Variants in COMMD1 observed in about 807,000 individuals in gnomAD.
The protein encoded by COMMD1 is copper metabolism domain containing 1, also known as COMM domain-containing protein 1.
COMMD1 carries 10 observed loss-of-function variants against 17.2 expected under a neutral mutation model. The ratio of observed to expected loss-of-function variants is 0.58; its 90% CI spans 0.36 to 0.99. COMMD1 has a LOEUF of 0.99. Ranked by LOEUF, COMMD1 falls within the 50% of genes least tolerant of loss-of-function variation. The probability of loss-of-function intolerance (pLI) is 0.01; values close to 1 mark genes in which losing one functional copy is unlikely to be tolerated. For missense variants in COMMD1, 270 were observed against 231.8 expected (o/e 1.17, Z -1.07); for synonymous variants, 97 against 91.6 (o/e 1.06, Z -0.34).
intron 1 of COMMD1, among the ~76,000 whole-genome samples, chr2:61,992,724 C>T (rs1250378410): frequency 6.6e-6 from 1 of 152,186 alleles, no homozygotes; most frequent in Non-Finnish European, 1.5e-5. Context: ...ATGTAGCCTC[C>T]ACCATTTCTC....
At chr2:61,919,541 G>A (rs1384132571) in intron 1 of COMMD1, among the ~76,000 whole-genome samples, 8 of 144,702 alleles carry the variant, frequency 5.5e-5, no homozygotes, top group South Asian at 2.2e-4. Context: ...AGGCTTCATC[G>A]CGTTTTTTTT....
chr2:62,050,067 G>A (rs1479131257), intron 2 of COMMD1, among the ~76,000 whole-genome samples: 2 of 152,070 alleles, frequency 1.3e-5, no homozygotes, highest in Non-Finnish European at 2.9e-5. Context: ...CGCTTCACTG[G>A]CTTTAACATG....
chr2:62,097,744 T>G (rs1672051011), intron 2 of COMMD1, among the ~76,000 whole-genome samples: 1 of 152,190 alleles, frequency 6.6e-6, no homozygotes, highest in African/African-American at 2.4e-5. Context: ...GACTTTTTCT[T>G]TACTCCAAGG....
chr2:61,951,492 A>G (rs1309780415), intron 1 of COMMD1, among the ~76,000 whole-genome samples: 2 of 151,950 alleles, frequency 1.3e-5, no homozygotes, highest in Admixed American at 1.3e-4. Flanking sequence ...CTGCATCTTC[A>G]GTTCAAATTA....
intron 2 of COMMD1, among the ~76,000 whole-genome samples, chr2:62,001,363 T>A (rs1407663376): frequency 6.6e-6 from 1 of 152,220 alleles, no homozygotes; most frequent in East Asian, 1.9e-4. Flanking sequence ...CCAGTCATCT[T>A]TAATAATCAG....
chr2:62,067,450 T>C (rs1461693682), intron 2 of COMMD1, among the ~76,000 whole-genome samples: 1 of 152,192 alleles, frequency 6.6e-6, no homozygotes, highest in African/African-American at 2.4e-5. Flanking sequence ...CCCATAGAGT[T>C]GTATGACTTC....
At chr2:61,996,826 C>A (rs764089615) in intron 1 of COMMD1, among the ~76,000 whole-genome samples, 1 of 152,212 alleles carries the variant, frequency 6.6e-6, no homozygotes, top group Non-Finnish European at 1.5e-5. Context: ...TATGCAGTTA[C>A]TTCCTCCACT....
At chr2:61,947,356 C>T (rs150279975) in intron 1 of COMMD1, among the ~76,000 whole-genome samples, 11 of 151,982 alleles carry the variant, frequency 7.2e-5, no homozygotes, top group African/African-American at 2.7e-4. Context: ...TTTTAAACAG[C>T]CTTTGAGCAA....
chr2:61,972,611 A>C (rs1671680098), intron 1 of COMMD1, among the ~76,000 whole-genome samples: 1 of 152,196 alleles, frequency 6.6e-6, no homozygotes, highest in Non-Finnish European at 1.5e-5. Context: ...TGGTGGGATG[A>C]GAATGGCACT....
At chr2:62,000,549 C>A in intron 1 of COMMD1, 152 bp from the exon 2 acceptor site, 1 of 769,106 alleles carries the variant, frequency 1.3e-6, no homozygotes, top group Non-Finnish European at 2.1e-6. Context: ...ACCTCTGCCT[C>A]CCAAAGTGCT....
intron 1 of COMMD1, among the ~76,000 whole-genome samples, chr2:61,897,150 G>A (rs1572940033): frequency 1.3e-5 from 2 of 151,996 alleles, no homozygotes; most frequent in East Asian, 3.9e-4. Flanking sequence ...CTTAACACCA[G>A]AAATAGGGAA....
chr2:62,114,126 A>C (rs1292915930), intron 2 of COMMD1, among the ~76,000 whole-genome samples: 2 of 152,230 alleles, frequency 1.3e-5, no homozygotes, highest in African/African-American at 2.4e-5. Context: ...AGAAGGAAAA[A>C]CAGAAAAATG....
rs1418166310 is a variant in COMMD1 at position 62,135,944 on chromosome 2, A to G, written c.*3A>G. The G allele has an allele frequency of 9.6e-6, 14 of 1,464,904 alleles. No individual in the cohort carries two copies. Among genetic ancestry groups the G allele is most frequent in the Non-Finnish European group, 1.2e-5 (13 of 1,043,710 alleles). 90.7% of individuals were successfully genotyped at this position (1,464,904 alleles called of 1,614,324 possible). A position where few individuals can be genotyped will look rare whatever the true frequency, so the allele number is the denominator to read the frequency against. On this transcript the variant is annotated 3_prime_UTR_variant, in exon 3 of 3. Transcript: ENST00000311832. ...CACTGATCAGCCAGCCTAACTGAAGATGATGTATGAAGGAGTTGGAGTTGT... is the reference window on the plus strand; with the variant it reads ...CACTGATCAGCCAGCCTAACTGAAGGTGATGTATGAAGGAGTTGGAGTTGT...
At chr2:61,965,442 T>C (rs1439378322) in intron 1 of COMMD1, among the ~76,000 whole-genome samples, 1 of 152,208 alleles carries the variant, frequency 6.6e-6, no homozygotes, top group East Asian at 1.9e-4. Context: ...GAGCTAAAAC[T>C]ACTTCAAAAG....
At chr2:62,109,315 A>G (rs1043374723) in intron 2 of COMMD1, among the ~76,000 whole-genome samples, 12 of 152,190 alleles carry the variant, frequency 7.9e-5, no homozygotes, top group African/African-American at 2.2e-4. Flanking sequence ...ATTTCCTCCA[A>G]AGCTCTTGGG....
At chr2:61,946,776 A>G (rs1670918577) in intron 1 of COMMD1, among the ~76,000 whole-genome samples, 1 of 152,072 alleles carries the variant, frequency 6.6e-6, no homozygotes, top group South Asian at 2.1e-4. Flanking sequence ...TTTTTCTTCC[A>G]CATTTCCTTT....
intron 2 of COMMD1, among the ~76,000 whole-genome samples, chr2:62,027,388 T>C (rs767522901): frequency 6.6e-6 from 1 of 152,218 alleles, no homozygotes; most frequent in African/African-American, 2.4e-5. Context: ...GCATAGGTAA[T>C]TATTCTACCA....
intron 2 of COMMD1, among the ~76,000 whole-genome samples, chr2:62,048,182 C>CTTTTT (rs67195629): frequency 2.4e-5 from 3 of 127,246 alleles, no homozygotes; most frequent in Admixed American, 8.2e-5. Context: ...AACTAAATTT[C>CTTTTT]TTTTTTTTTT....
At chr2:61,921,212 C>T (rs1390941813) in intron 1 of COMMD1, among the ~76,000 whole-genome samples, 8 of 151,922 alleles carry the variant, frequency 5.3e-5, no homozygotes, top group African/African-American at 1.9e-4. Flanking sequence ...TCAAGAGATC[C>T]ACCCACCTTG....
Sources: gnomAD v4.1 joint callset for allele counts (sites outside exome capture counted in the v4.1 genomes callset) on GRCh38, gnomAD v4.1.1 for gene constraint, MANE v1.5 for transcripts, NCBI Gene and HGNC (gene_info 2026-07-23, HGNC 2026-07-21) for gene names.